CDKAL1: variants seen among roughly 807,000 people sequenced by gnomAD.
CDKAL1 encodes threonylcarbamoyladenosine tRNA methylthiotransferase.
CDKAL1 carries 32 observed loss-of-function variants against 68.2 expected under a neutral mutation model. The observed-to-expected ratio is 0.47, with a 90% CI of 0.35 to 0.63. CDKAL1 has a LOEUF of 0.63. Ranked by LOEUF, CDKAL1 falls within the 30% of genes least tolerant of loss-of-function variation. CDKAL1 has a pLI of 0.00. For synonymous variants in CDKAL1, 234 were observed against 244.3 expected (o/e 0.96, Z 0.39); for missense variants, 606 against 696.7 (o/e 0.87, Z 1.47).
chr6:20,660,929 T>A (rs1334145509), intron 5 of CDKAL1, among the ~76,000 whole-genome samples: 3 of 152,068 alleles, frequency 2.0e-5, no homozygotes, highest in Admixed American at 2.0e-4. Flanking sequence ...TGTCCAGATT[T>A]GAGAGTGAGC....
At chr6:20,561,030 G>C (rs1311211254) in intron 4 of CDKAL1, among the ~76,000 whole-genome samples, 1 of 152,160 alleles carries the variant, frequency 6.6e-6, no homozygotes, top group Non-Finnish European at 1.5e-5. Flanking sequence ...GTCTCGGCTA[G>C]TTCCTGTGTT....
intron 5 of CDKAL1, among the ~76,000 whole-genome samples, chr6:20,698,730 G>A (rs1380615143): frequency 6.6e-6 from 1 of 152,148 alleles, no homozygotes; most frequent in African/African-American, 2.4e-5. Flanking sequence ...GTATCACAAT[G>A]GAGAGACGGG....
chr6:21,087,542 C>T (rs1390179848), intron 12 of CDKAL1, among the ~76,000 whole-genome samples: 1 of 152,092 alleles, frequency 6.6e-6, no homozygotes, highest in Non-Finnish European at 1.5e-5. Context: ...AGCTAGGACA[C>T]CACTGCTGAT....
chr6:21,101,411 T>C (rs1773570653), intron 12 of CDKAL1, among the ~76,000 whole-genome samples: 1 of 152,202 alleles, frequency 6.6e-6, no homozygotes. Context: ...AGTTCTAACC[T>C]GCAACAAGGA....
At position 20,920,277 on chromosome 6, in the gene CDKAL1, G is replaced by A. The variant is rs150292993; in HGVS notation, c.743-35142G>A. On this transcript the variant is annotated intron_variant, in intron 9 of 15. Transcript: ENST00000274695. Reference sequence around the variant, plus strand: ...AGTTGAATAATGTCATTTCTAGAACGAGACCTGAAAATGTACGCCTACAAG... The same window carrying A: ...AGTTGAATAATGTCATTTCTAGAACAAGACCTGAAAATGTACGCCTACAAG... Among the ~76,000 whole-genome samples the A allele has an allele frequency of 3.0e-3, 461 of 152,248 alleles. 2 individuals carry two copies. The highest frequency in any genetic ancestry group is 0.017 in the Middle Eastern group (5 of 292).
At chr6:21,202,294 A>G (rs1778723132) in intron 15 of CDKAL1, among the ~76,000 whole-genome samples, 4 of 152,198 alleles carry the variant, frequency 2.6e-5, no homozygotes, top group Admixed American at 2.6e-4. Flanking sequence ...CTGGAATGGT[A>G]TAGACCAGCT....
At chr6:20,724,587 C>T (rs527708505) in intron 5 of CDKAL1, among the ~76,000 whole-genome samples, 3 of 152,036 alleles carry the variant, frequency 2.0e-5, no homozygotes, top group South Asian at 4.1e-4. Context: ...AGTGGAGGTG[C>T]GTGCCTGTAG....
At chr6:21,124,151 T>C (rs1384844350) in intron 13 of CDKAL1, among the ~76,000 whole-genome samples, 1 of 152,246 alleles carries the variant, frequency 6.6e-6, no homozygotes, top group African/African-American at 2.4e-5. Flanking sequence ...GTAATAGATA[T>C]GTACTTAAAA....
At chr6:21,108,035 G>A (rs114186754) in intron 12 of CDKAL1, among the ~76,000 whole-genome samples, 189 of 152,300 alleles carry the variant, frequency 1.2e-3, no homozygotes, top group African/African-American at 4.3e-3. Context: ...ACAGCAGTTG[G>A]TATTACAATG....
chr6:21,226,355 A>G (rs1024305135), intron 15 of CDKAL1, among the ~76,000 whole-genome samples: 57 of 149,198 alleles, frequency 3.8e-4, no homozygotes, highest in African/African-American at 1.3e-3. Context: ...TTACTTTGAT[A>G]GGATTTGATA....
chr6:20,817,357 A>G (rs925789364), intron 8 of CDKAL1, among the ~76,000 whole-genome samples: 10 of 152,176 alleles, frequency 6.6e-5, no homozygotes, highest in Admixed American at 5.9e-4. Flanking sequence ...ACATTATTGT[A>G]TTCATTTGTT....
intron 12 of CDKAL1, among the ~76,000 whole-genome samples, chr6:21,072,175 A>G (rs778668240): frequency 1.3e-5 from 2 of 152,204 alleles, no homozygotes; most frequent in African/African-American, 4.8e-5. Context: ...ATGAGAATGC[A>G]TCAGGCTCTG....
intron 5 of CDKAL1, among the ~76,000 whole-genome samples, chr6:20,653,618 AT>A (rs140223481): frequency 2.1e-3 from 288 of 138,330 alleles, no homozygotes; most frequent in African/African-American, 2.7e-3. Flanking sequence ...CACCCGGCTA[AT>A]TTTTTTTTTT....
intron 8 of CDKAL1, among the ~76,000 whole-genome samples, chr6:20,803,394 CT>C (rs1776443929): frequency 6.6e-6 from 1 of 152,188 alleles, no homozygotes; most frequent in African/African-American, 2.4e-5. Context: ...CTATAGTCAT[CT>C]TTCAAAACTT....
intron 13 of CDKAL1, among the ~76,000 whole-genome samples, chr6:21,129,928 A>T (rs913384587): frequency 1.3e-5 from 2 of 151,974 alleles, no homozygotes; most frequent in Non-Finnish European, 2.9e-5. Flanking sequence ...TACTTTTTTT[A>T]AAAATTTAGG....
At chr6:20,994,076 G>A (rs1388771429) in intron 10 of CDKAL1, among the ~76,000 whole-genome samples, 1 of 152,174 alleles carries the variant, frequency 6.6e-6, no homozygotes, top group African/African-American at 2.4e-5. Context: ...AGAGCACCGA[G>A]CTGCTCATGA....
At chr6:21,037,334 T>G (rs1287397707) in intron 11 of CDKAL1, among the ~76,000 whole-genome samples, 1 of 152,218 alleles carries the variant, frequency 6.6e-6, no homozygotes, top group Non-Finnish European at 1.5e-5. Flanking sequence ...AGGGGCAGGA[T>G]GCTTGTTTGA....
At chr6:20,856,655 A>G (rs1172845518) in intron 9 of CDKAL1, among the ~76,000 whole-genome samples, 1 of 152,222 alleles carries the variant, frequency 6.6e-6, no homozygotes, top group Non-Finnish European at 1.5e-5. Flanking sequence ...TCTACAAATG[A>G]TTCTTGTGAC....
At chr6:20,811,565 G>A (rs1776817788) in intron 8 of CDKAL1, among the ~76,000 whole-genome samples, 1 of 152,050 alleles carries the variant, frequency 6.6e-6, no homozygotes, top group African/African-American at 2.4e-5. Context: ...TTTAATGTGT[G>A]TCTTTATCCC....
Sources: gnomAD v4.1 joint callset for allele counts (sites outside exome capture counted in the v4.1 genomes callset) on GRCh38, gnomAD v4.1.1 for gene constraint, MANE v1.5 for transcripts, NCBI Gene and HGNC (gene_info 2026-07-23, HGNC 2026-07-21) for gene names.